TBXAS1: variants seen among roughly 807,000 people sequenced by gnomAD.
The protein encoded by TBXAS1 is thromboxane-A synthase.
TBXAS1 carries 48 observed loss-of-function variants against 60.7 expected under a neutral mutation model. The ratio of observed to expected loss-of-function variants is 0.79; its 90% CI spans 0.63 to 1.01. TBXAS1 has a LOEUF of 1.01. TBXAS1 is among the 50% of genes least tolerant of loss of function. The pLI, the probability that TBXAS1 is intolerant of heterozygous loss-of-function variation, is 0.00. For missense variants in TBXAS1, 685 were observed against 686.3 expected (o/e 1.00, Z 0.02); for synonymous variants, 287 against 269.7 (o/e 1.06, Z -0.63).
chr7:139,882,530 G>C (rs139599337), intron 3 of TBXAS1, among the ~76,000 whole-genome samples: 22 of 152,286 alleles, frequency 1.4e-4, no homozygotes, highest in African/African-American at 5.1e-4. Context: ...TTTTGCTGCT[G>C]ATAAAAGTGC....
intron 9 of TBXAS1, among the ~76,000 whole-genome samples, chr7:139,989,408 C>T (rs544902331): frequency 2.0e-5 from 3 of 152,318 alleles, no homozygotes; most frequent in South Asian, 2.1e-4. Flanking sequence ...AGGGCCAAGC[C>T]TAAGGAAAAC....
At chr7:139,839,692 A>C (rs1215330318) in intron 1 of TBXAS1, among the ~76,000 whole-genome samples, 1 of 151,346 alleles carries the variant, frequency 6.6e-6, no homozygotes, top group Non-Finnish European at 1.5e-5. Context: ...AAAAAAAAAA[A>C]AAACAAATCA....
At chr7:139,890,308 C>T (rs990053790) in intron 3 of TBXAS1, among the ~76,000 whole-genome samples, 1 of 145,076 alleles carries the variant, frequency 6.9e-6, no homozygotes, top group Non-Finnish European at 1.5e-5. Flanking sequence ...CTCCGCCTTC[C>T]GGGTTCACAC....
intron 3 of TBXAS1, among the ~76,000 whole-genome samples, chr7:139,897,143 C>T (rs985987602): frequency 1.1e-4 from 16 of 152,074 alleles, no homozygotes; most frequent in Non-Finnish European, 1.9e-4. Flanking sequence ...GATGTGTTTC[C>T]ACCACTCACA....
At position 139,892,969 on chromosome 7, in the gene TBXAS1, G is replaced by A. The variant is rs1161129845; in HGVS notation, c.236+17332G>A. ...CTCATTTTCCTAGCTATGAAATGAG[G>A]GGGTTGGGCTAGAATGATCATCTTG... On this transcript the variant is annotated intron_variant, in intron 3 of 12. Transcript: ENST00000448866. 6.6e-5 allele frequency among the ~76,000 whole-genome samples: 10 copies of A among 152,090 alleles called. 1 individual carries two copies. Among genetic ancestry groups the A allele is most frequent in the Admixed American group, 6.5e-4 (10 of 15,276 alleles).
chr7:139,977,732 C>A (rs1432319872), intron 9 of TBXAS1, among the ~76,000 whole-genome samples: 1 of 152,154 alleles, frequency 6.6e-6, no homozygotes, highest in Non-Finnish European at 1.5e-5. Context: ...GATTCCCCAG[C>A]CTGGCTGCAA....
At chr7:139,846,747 T>C (rs1799833388) in intron 1 of TBXAS1, among the ~76,000 whole-genome samples, 1 of 152,214 alleles carries the variant, frequency 6.6e-6, no homozygotes, top group Admixed American at 6.5e-5. Context: ...AGGTAGCTTT[T>C]GACCTTGAAC....
At position 139,906,225 on chromosome 7, in the gene TBXAS1, A is replaced by G. The variant is rs528098247; in HGVS notation, c.237-5000A>G. The G allele has an allele frequency of 4.7e-5, 9 of 192,798 alleles. No individual in the cohort carries two copies. In the South Asian group the frequency reaches 5.6e-4, roughly 12 times the overall value. 11.9% of individuals were successfully genotyped at this position (192,798 alleles called of 1,614,324 possible). ...TATGTGCCACCATGCCCAGATAGTT[A>G]TTTGTATTTTTAGTACAGATGGGGT... On this transcript the variant is annotated intron_variant, in intron 3 of 12. Transcript: ENST00000448866.
chr7:139,792,102 A>G (rs539210992), intron 4 of TBXAS1, among the ~76,000 whole-genome samples: 58 of 152,298 alleles, frequency 3.8e-4, no homozygotes, highest in African/African-American at 1.4e-3. Context: ...TTAATTTATC[A>G]GTTTCGTGCA....
At chr7:139,809,233 T>TAGATGATA (rs1554466810) in intron 4 of TBXAS1, among the ~76,000 whole-genome samples, 4,169 of 130,810 alleles carry the variant, frequency 0.032, 114 homozygotes, top group East Asian at 0.083. Context: ...GATAGATAGA[T>TAGATGATA]GATAGATAGA....
At chr7:139,861,419 AT>A (rs58163146) in intron 1 of TBXAS1, among the ~76,000 whole-genome samples, 54,329 of 130,566 alleles carry the variant, frequency 0.42, 10,545 homozygotes, top group South Asian at 0.53. Flanking sequence ...TCTTTTTAGA[AT>A]TTTTTTTTTT....
intron 3 of TBXAS1, among the ~76,000 whole-genome samples, chr7:139,879,570 C>CATTGGTG (rs1361254741): frequency 6.6e-6 from 1 of 151,978 alleles, no homozygotes; most frequent in Non-Finnish European, 1.5e-5. Context: ...TATCGTCATA[C>CATTGGTG]ATTGGTGATT....
chr7:139,929,495 G>A (rs1392679883), intron 4 of TBXAS1, among the ~76,000 whole-genome samples: 1 of 152,200 alleles, frequency 6.6e-6, no homozygotes, highest in Non-Finnish European at 1.5e-5. Context: ...TGATTGGAAT[G>A]AGTCAGGGTG....
intron 1 of TBXAS1, among the ~76,000 whole-genome samples, chr7:139,844,215 G>A (rs1036290134): frequency 1.3e-5 from 2 of 152,122 alleles, no homozygotes; most frequent in Non-Finnish European, 2.9e-5. Context: ...CAGACTAGGG[G>A]ACAGGAGGCA....
chr7:139,890,317 A>G (rs977100703), intron 3 of TBXAS1, among the ~76,000 whole-genome samples: 5 of 141,264 alleles, frequency 3.5e-5, no homozygotes, highest in African/African-American at 5.3e-5. Context: ...CCGGGTTCAC[A>G]CCATTCTCCT....
At position 139,975,419 on chromosome 7, in the gene TBXAS1, C is replaced by G. The variant is rs1161849410; in HGVS notation, c.1134+13186C>G. Among the ~76,000 whole-genome samples the G allele has an allele frequency of 6.6e-6, 1 of 152,172 alleles. No individual in the cohort carries two copies. The highest frequency in any genetic ancestry group is 1.5e-5 in the Non-Finnish European group (1 of 68,028). ...TCTTTTCAACCTTGTCTCTAATATT[C>G]CATGATTCCATGGTTCTGATGCCAT... On this transcript the variant is annotated intron_variant, in intron 9 of 12. Coordinates refer to ENST00000448866, the MANE Select transcript of TBXAS1 (RefSeq NM_001061.7). This position sits in a 1 kb window ranked among gnomAD's most constrained non-coding sequence, Gnocchi z 4.4.
rs1053299556 is a variant in TBXAS1, at chr7:139,917,285, T to C, written c.333+5964T>C. On this transcript the variant is annotated intron_variant, in intron 4 of 12. Transcript: ENST00000448866. Reference sequence around the variant, plus strand: ...TCTATTTTGAGGCCTCTTTGTTTTATGTGACCTCCGTCTCCTTCTCTGCCG... The same window carrying C: ...TCTATTTTGAGGCCTCTTTGTTTTACGTGACCTCCGTCTCCTTCTCTGCCG... Among the ~76,000 whole-genome samples, 11 of 152,340 alleles carry C rather than the reference T, an allele frequency of 7.2e-5. No homozygotes were observed. The South Asian group carries it at 2.3e-3, about 32-fold the overall frequency.
At chr7:139,824,982 A>ACC (rs1229397385), upstream of TBXAS1, among the ~76,000 whole-genome samples, 5 of 151,942 alleles carry the variant, frequency 3.3e-5, no homozygotes, top group East Asian at 9.7e-4. Context: ...GGCACCTGCC[A>ACC]TCATGCCTGG....
upstream of TBXAS1, among the ~76,000 whole-genome samples, chr7:139,828,952 T>C (rs1798531229): frequency 6.6e-6 from 1 of 152,166 alleles, no homozygotes; most frequent in East Asian, 1.9e-4. Context: ...TAAAAAATTA[T>C]AGATGGATGT....
Sources: gnomAD v4.1 joint callset for allele counts (sites outside exome capture counted in the v4.1 genomes callset) on GRCh38, gnomAD v4.1.1 for gene constraint, Gnocchi (gnomAD v3.1) non-coding constraint, MANE v1.5 for transcripts, NCBI Gene and HGNC (gene_info 2026-07-23, HGNC 2026-07-21) for gene names.